CSGALNACT1: variants seen among roughly 807,000 people sequenced by gnomAD.
The protein encoded by CSGALNACT1 is beta4GalNAcT-1.
In CSGALNACT1, 52 loss-of-function variants were observed where a neutral mutation model predicts 51.0. The observed-to-expected ratio is 1.02, with a 90% CI of 0.82 to 1.29. The LOEUF is 1.29. Among genes scored for constraint, CSGALNACT1 ranks in the 50% most tolerant of loss-of-function variants. The pLI is 0.00. For synonymous variants in CSGALNACT1, 341 were observed against 254.4 expected (o/e 1.34, Z -3.24); for missense variants, 935 against 679.2 (o/e 1.38, Z -4.19).
At chr8:19,562,384 G>C (rs1177695286) in intron 3 of CSGALNACT1, among the ~76,000 whole-genome samples, 1 of 151,580 alleles carries the variant, frequency 6.6e-6, no homozygotes, top group Non-Finnish European at 1.5e-5. Flanking sequence ...TACCATTCAG[G>C]ATATAGGCAT....
chr8:19,519,038 C>T (rs1360744490), intron 3 of CSGALNACT1, among the ~76,000 whole-genome samples: 2 of 152,200 alleles, frequency 1.3e-5, no homozygotes, highest in Non-Finnish European at 1.5e-5. Context: ...TACCCAATGC[C>T]TTGACCAGGT....
chr8:19,444,232 C>G (rs1054041392), intron 5 of CSGALNACT1, among the ~76,000 whole-genome samples: 14 of 152,182 alleles, frequency 9.2e-5, no homozygotes, highest in Non-Finnish European at 1.5e-4. Context: ...AAATCATTTC[C>G]AGATTACTTT....
At chr8:19,705,761 G>A (rs182386567) in intron 1 of CSGALNACT1, among the ~76,000 whole-genome samples, 183 of 152,152 alleles carry the variant, frequency 1.2e-3, no homozygotes, top group Non-Finnish European at 1.6e-3. Context: ...AGAAAAAAAT[G>A]TAAGGCTAGA....
chr8:19,610,527 G>A (rs975434718), intron 1 of CSGALNACT1, among the ~76,000 whole-genome samples: 6 of 152,190 alleles, frequency 3.9e-5, no homozygotes, highest in African/African-American at 1.4e-4. Context: ...ATCGAGAGGA[G>A]CACATCGGTG....
chr8:19,743,065 C>T (rs1348028171), intron 1 of CSGALNACT1, among the ~76,000 whole-genome samples: 1 of 152,184 alleles, frequency 6.6e-6, no homozygotes, highest in African/African-American at 2.4e-5. Flanking sequence ...TCAAAAACAA[C>T]TCACAATAAA....
At chr8:19,730,089 A>G (rs1589732612) in intron 1 of CSGALNACT1, among the ~76,000 whole-genome samples, 1 of 152,288 alleles carries the variant, frequency 6.6e-6, no homozygotes, top group East Asian at 1.9e-4. Flanking sequence ...CGCCCATGCA[A>G]TGTTTCAAGA....
At chr8:19,695,935 C>T (rs1439837512) in intron 1 of CSGALNACT1, among the ~76,000 whole-genome samples, 1 of 152,038 alleles carries the variant, frequency 6.6e-6, no homozygotes, top group East Asian at 1.9e-4. Context: ...TCATGAAAAA[C>T]GATGGTATTG....
chr8:19,597,919 C>A (rs922642805), intron 2 of CSGALNACT1, among the ~76,000 whole-genome samples: 75 of 152,180 alleles, frequency 4.9e-4, no homozygotes, highest in African/African-American at 1.7e-3. Context: ...TAATTATGAA[C>A]AATAGGGAAA....
intron 1 of CSGALNACT1, among the ~76,000 whole-genome samples, chr8:19,706,066 T>A (rs558883372): frequency 1.4e-4 from 21 of 151,976 alleles, no homozygotes; most frequent in African/African-American, 5.1e-4. Context: ...ACTAATCAGA[T>A]CAAATAAAAA....
chr8:19,496,688 G>T (rs2075528203), intron 4 of CSGALNACT1, among the ~76,000 whole-genome samples: 1 of 152,184 alleles, frequency 6.6e-6, no homozygotes, highest in South Asian at 2.1e-4. Context: ...AGGAGTCACA[G>T]GTGCTGGCAG....
At chr8:19,666,841 GAA>G (rs1183327574) in intron 1 of CSGALNACT1, among the ~76,000 whole-genome samples, 2 of 77,926 alleles carry the variant, frequency 2.6e-5, no homozygotes, top group African/African-American at 8.6e-5. Context: ...GAGAAAGAAA[GAA>G]AGAAAGAAAG....
At chr8:19,423,992 C>T (rs888220241) in intron 6 of CSGALNACT1, among the ~76,000 whole-genome samples, 14 of 152,174 alleles carry the variant, frequency 9.2e-5, no homozygotes, top group Non-Finnish European at 2.1e-4. Context: ...CCTCGGCTTG[C>T]CTGTTCTCCC....
At chr8:19,410,687 G>T (rs575568776) in intron 8 of CSGALNACT1, among the ~76,000 whole-genome samples, 1 of 152,368 alleles carries the variant, frequency 6.6e-6, no homozygotes, top group South Asian at 2.1e-4. Flanking sequence ...GGAACAGCGT[G>T]ATGGAGGCAG....
chr8:19,688,935 G>C (rs1275047110), intron 1 of CSGALNACT1: 1 of 152,234 alleles, frequency 6.6e-6, no homozygotes, highest in African/African-American at 2.4e-5. Context: ...TGGACGTGCA[G>C]CCATGCATGT....
At chr8:19,469,119 G>A (rs1271981090) in intron 4 of CSGALNACT1, among the ~76,000 whole-genome samples, 1 of 152,204 alleles carries the variant, frequency 6.6e-6, no homozygotes, top group East Asian at 1.9e-4. Flanking sequence ...CCTGAGTGCG[G>A]TGGCTCATAC....
At chr8:19,577,961 T>A (rs924619199) in intron 3 of CSGALNACT1, among the ~76,000 whole-genome samples, 2 of 152,244 alleles carry the variant, frequency 1.3e-5, no homozygotes, top group East Asian at 3.9e-4. Context: ...AAAGAGATAG[T>A]TGGCATGCGG....
chr8:19,583,499 C>T (rs1225198828), intron 3 of CSGALNACT1, among the ~76,000 whole-genome samples: 26 of 152,148 alleles, frequency 1.7e-4, no homozygotes, highest in Non-Finnish European at 3.8e-4. Flanking sequence ...ACCAGATCAG[C>T]TTCTGGCATT....
At chr8:19,504,482 T>G (rs73667665) in intron 4 of CSGALNACT1, among the ~76,000 whole-genome samples, 1,888 of 152,312 alleles carry the variant, frequency 0.012, 40 homozygotes, top group African/African-American at 0.043. Flanking sequence ...AATAGATAAG[T>G]TAAAAAGACA....
At chr8:19,633,046 G>C (rs573199588) in intron 1 of CSGALNACT1, among the ~76,000 whole-genome samples, 1 of 151,552 alleles carries the variant, frequency 6.6e-6, no homozygotes, top group African/African-American at 2.4e-5. Context: ...GAGATCACAA[G>C]TGTCAAAATG....
Sources: allele counts gnomAD v4.1 joint callset (sites outside exome capture counted in the v4.1 genomes callset), GRCh38; gene constraint gnomAD v4.1.1; transcripts MANE v1.5; gene names NCBI Gene and HGNC (gene_info 2026-07-23, HGNC 2026-07-21).